The following ALKBH1 variants were observed in gnomAD, a reference collection of about 807,000 sequenced individuals.
The protein encoded by ALKBH1 is alkB homolog 1, histone H2A dioxygenase.
A neutral mutation model predicts 36.6 loss-of-function variants in ALKBH1; 31 were observed. The observed-to-expected ratio is 0.85, with a 90% CI of 0.64 to 1.14. The LOEUF (loss-of-function observed/expected upper bound fraction) is 1.14. ALKBH1 is among the 50% of genes most tolerant of loss of function. The pLI is 0.00. For missense variants in ALKBH1, 490 were observed against 497.3 expected (o/e 0.99, Z 0.14); for synonymous variants, 183 against 186.6 (o/e 0.98, Z 0.16).
At chr14:77,689,255 C>A (rs542217318) in intron 3 of ALKBH1, among the ~76,000 whole-genome samples, 2 of 152,156 alleles carry the variant, frequency 1.3e-5, no homozygotes, top group African/African-American at 4.8e-5. Flanking sequence ...TTTCCTATAT[C>A]GTGCCCCCAA....
rs1555384419 is a variant in ALKBH1 at position 77,693,224 on chromosome 14, A to ATT, written c.455+1512_455+1513dup. Among the ~76,000 whole-genome samples, 160 of 126,404 alleles carry ATT rather than the reference A, an allele frequency of 1.3e-3. 2 individuals are homozygous for ATT. The highest frequency in any genetic ancestry group is 2.3e-3 in the East Asian group (10 of 4,366). The allele number at this position is 126,404 out of a possible 152,430, so 82.9% of individuals were successfully genotyped here. ...TCCGTCTCAAAAAAAAAAAAAAAAA[A>ATT]TTTTTTTTCATAGAGATGGGGTCTT... On this transcript the variant is annotated intron_variant, in intron 3 of 5. Coordinates refer to ENST00000216489, the MANE Select transcript of ALKBH1 (RefSeq NM_006020.3).
At chr14:77,693,875 T>A (rs1428604735) in intron 3 of ALKBH1, among the ~76,000 whole-genome samples, 1 of 152,032 alleles carries the variant, frequency 6.6e-6, no homozygotes, top group Non-Finnish European at 1.5e-5. Context: ...TAATCCCAGC[T>A]ACTCAGGAGA....
chr14:77,686,358 TGAAGAATGCA>T (rs2080268184), intron 3 of ALKBH1, among the ~76,000 whole-genome samples: 3 of 152,208 alleles, frequency 2.0e-5, no homozygotes, highest in African/African-American at 7.2e-5. Flanking sequence ...ACTCTCACCT[TGAAGAATGCA>T]GGAAATACGT....
chr14:77,702,662 G>C (rs2080365753), intron 2 of ALKBH1, among the ~76,000 whole-genome samples: 1 of 152,058 alleles, frequency 6.6e-6, no homozygotes, highest in Admixed American at 6.6e-5. Flanking sequence ...TTCATTCTCT[G>C]TAAAAGCAGC....
chr14:77,707,031 T>TC (rs2080396873), intron 1 of ALKBH1, among the ~76,000 whole-genome samples: 1 of 152,228 alleles, frequency 6.6e-6, no homozygotes, highest in South Asian at 2.1e-4. Context: ...TTCCCCGTTT[T>TC]CCCTCTTGCC....
chr14:77,703,507 G>T (rs183153709), intron 2 of ALKBH1, among the ~76,000 whole-genome samples: 2 of 151,644 alleles, frequency 1.3e-5, no homozygotes, highest in Non-Finnish European at 2.9e-5. Flanking sequence ...TTGTTAGCCA[G>T]GATGGTCTCA....
chr14:77,674,350 A>G (rs1483411938), intron 5 of ALKBH1, 109 bp from the exon 6 acceptor site: 2 of 1,229,228 alleles, frequency 1.6e-6, no homozygotes, highest in Non-Finnish European at 2.2e-6. Context: ...TTTCAGGTTG[A>G]TATTTATTGC....
chr14:77,674,278 A>G (rs773983008), intron 5 of ALKBH1, 37 bp from the exon 6 acceptor site: 4 of 1,499,940 alleles, frequency 2.7e-6, no homozygotes, highest in Non-Finnish European at 3.6e-6. Flanking sequence ...ACAATAAAAA[A>G]GTATAAATTT....
At chr14:77,681,827 C>T (rs1381364326) in intron 3 of ALKBH1, among the ~76,000 whole-genome samples, 1 of 152,230 alleles carries the variant, frequency 6.6e-6, no homozygotes, top group African/African-American at 2.4e-5. Context: ...CTAGTAAAAA[C>T]CTAGGCACTG....
At chr14:77,680,809 A>G (rs1005891900) in intron 3 of ALKBH1, among the ~76,000 whole-genome samples, 1 of 151,410 alleles carries the variant, frequency 6.6e-6, no homozygotes, top group African/African-American at 2.4e-5. Flanking sequence ...CCTCCCAAGT[A>G]GCTGGGATTA....
At chr14:77,696,132 C>T (rs1003363029) in intron 2 of ALKBH1, among the ~76,000 whole-genome samples, 4 of 152,176 alleles carry the variant, frequency 2.6e-5, no homozygotes, top group South Asian at 2.1e-4. Context: ...TGGAATCCTA[C>T]GCATGGTAAA....
At position 77,697,656 on chromosome 14, in the gene ALKBH1, C is replaced by T. The variant is rs568588855; in HGVS notation, c.293-2756G>A. On this transcript the variant is annotated intron_variant, in intron 2 of 5. Transcript: ENST00000216489. ...TGTGCAGGTTTTTTGGGAGGAGGCA[C>T]TGAGTGGGGTAGAAATTACAAATAA... 2.2e-5 allele frequency among the ~76,000 whole-genome samples: 3 copies of T among 138,652 alleles called. No homozygotes were observed. In the East Asian group the frequency reaches 6.3e-4, roughly 29 times the overall value. The allele number at this position is 138,652 out of a possible 152,430, so 91.0% of individuals were successfully genotyped here. A position where few individuals can be genotyped will look rare whatever the true frequency, so the allele number is the denominator to read the frequency against.
chr14:77,680,020 A>G (rs779429430), intron 3 of ALKBH1, 50 bp from the exon 4 acceptor site: 2 of 1,456,036 alleles, frequency 1.4e-6, no homozygotes, highest in African/African-American at 1.4e-5. Context: ...AATGGCAGCA[A>G]TAGCCGTTTG....
Position 77,679,892 on chromosome 14 carries a change from G to C in ALKBH1, c.534C>G (p.Asn178Lys). 4 of 1,613,944 alleles carry C rather than the reference G, an allele frequency of 2.5e-6. No homozygotes were observed. Among genetic ancestry groups the C allele is most frequent in the Non-Finnish European group, 3.4e-6 (4 of 1,179,814 alleles). The change falls in exon 4 of 6, where the codon AAC (asparagine) becomes AAG (lysine). Residue 178 changes from asparagine (N) to lysine (K), a missense_variant. By Grantham distance (94) the Asn-to-Lys change is moderately conservative. Coordinates refer to ENST00000216489, the MANE Select transcript of ALKBH1 (RefSeq NM_006020.3). ...LRWVTVGYHYNWDSKKYSADH... is the reference protein window; with the variant it reads ...LRWVTVGYHYKWDSKKYSADH... ...AAAACCTGAATACCTTACTGTCCCA[G>C]TTATAATGGTAGCCTACGGTCACCC...
At chr14:77,680,121 C>T in intron 3 of ALKBH1, 151 bp from the exon 4 acceptor site, 2 of 598,882 alleles carry the variant, frequency 3.3e-6, no homozygotes, top group Non-Finnish European at 3.0e-6. Flanking sequence ...AATGAGTAGA[C>T]CACAGATACA....
Position 77,675,688 on chromosome 14 carries a change from C to T in ALKBH1, c.708G>A (p.Glu236=). Residue 236 remains glutamate, a synonymous_variant, in exon 5 of 6, where the codon GAG becomes GAA. Coordinates refer to ENST00000216489, the MANE Select transcript of ALKBH1 (RefSeq NM_006020.3). ...STLGIHVDRS[E]LDHSKPLLSF... ...ACAGCAAGGGTTTGGAGTGATCTAG[C>T]TCAGATCTGTCTACGTGGATTCCCA... The T allele has an allele frequency of 6.2e-7, 1 of 1,614,136 alleles. No homozygotes were observed. Among genetic ancestry groups the T allele is most frequent in the Non-Finnish European group, 8.5e-7 (1 of 1,180,022 alleles).
intron 2 of ALKBH1, chr14:77,697,103 G>A (rs925117001): frequency 8.8e-5 from 17 of 192,326 alleles, no homozygotes; most frequent in African/African-American, 4.0e-4. Context: ...AGCTTCCCAT[G>A]GACCCCAAAG....
rs1439554750 is a variant in ALKBH1 at position 77,672,527 on chromosome 14, AACATGC to A, written c.*1279_*1284del. ...GACAGAGGAGACATGTAAACTTAAT[AACATGC>A]ATTGCAAACAGTAGGTACCAAATGG... is the stretch of plus-strand genomic sequence containing the variant. On this transcript the variant is annotated 3_prime_UTR_variant, in exon 6 of 6. Transcript: ENST00000216489. The A allele has an allele frequency of 6.6e-6, 1 of 152,236 alleles. No homozygotes were observed. Among genetic ancestry groups the A allele is most frequent in the Non-Finnish European group, 1.5e-5 (1 of 68,054 alleles). 9.4% of individuals were successfully genotyped at this position (152,236 alleles called of 1,614,324 possible). A position where few individuals can be genotyped will look rare whatever the true frequency, so the allele number is the denominator to read the frequency against.
chr14:77,678,217 A>G (rs181646047), intron 4 of ALKBH1, among the ~76,000 whole-genome samples: 72 of 152,060 alleles, frequency 4.7e-4, no homozygotes, highest in Non-Finnish European at 7.4e-5. Flanking sequence ...CTTATGAGGT[A>G]GGCACTATCA....
Sources: allele counts gnomAD v4.1 joint callset (sites outside exome capture counted in the v4.1 genomes callset), GRCh38; gene constraint gnomAD v4.1.1; transcripts MANE v1.5; gene names NCBI Gene and HGNC (gene_info 2026-07-23, HGNC 2026-07-21).